The following MALRD1 variants were observed in gnomAD, a reference collection of about 807,000 sequenced individuals.
The protein encoded by MALRD1 is MAM and LDL receptor class A domain containing 1.
In MALRD1, 247 loss-of-function variants were observed where a neutral mutation model predicts 242.1. That is an observed-to-expected ratio of 1.02 (90% CI 0.92 to 1.13). The LOEUF is 1.13. MALRD1 is among the 50% of genes most tolerant of loss of function. MALRD1 has a pLI of 0.00. For synonymous variants in MALRD1, 995 were observed against 866.6 expected (o/e 1.15, Z -2.60); for missense variants, 2,989 against 2,533.1 (o/e 1.18, Z -3.86).
chr10:19,558,129 C>A (rs1835807508), intron 32 of MALRD1, among the ~76,000 whole-genome samples: 1 of 152,108 alleles, frequency 6.6e-6, no homozygotes, highest in East Asian at 1.9e-4. Flanking sequence ...TTGCTTCTCA[C>A]TTCCAGGAAG....
At chr10:19,426,125 C>T (rs181754721) in intron 28 of MALRD1, among the ~76,000 whole-genome samples, 2 of 152,164 alleles carry the variant, frequency 1.3e-5, no homozygotes, top group East Asian at 1.9e-4. Context: ...ATGTTAATGT[C>T]TTCCATATGC....
chr10:19,209,595 G>T lies in MALRD1; in HGVS notation c.2906G>T (p.Gly969Val). The part of the protein sequence containing the change: ...IYQRIWSDSR[G>V]QLLWQIFGNQ... ...CAACGAATCTGGAGTGACTCAAGGGGACAGCTGCTGTGGCAGATATTTGGG... is the reference window on the plus strand; with the variant it reads ...CAACGAATCTGGAGTGACTCAAGGGTACAGCTGCTGTGGCAGATATTTGGG... The change falls in exon 18 of 40, where the codon GGA becomes GTA. Residue 969 changes from glycine (G) to valine (V), a missense_variant. Physicochemically the swap from Gly to Val is moderately radical, Grantham distance 109. Transcript: ENST00000454679. 1 of 1,550,982 alleles carries T rather than the reference G, an allele frequency of 6.4e-7. No homozygotes were observed. The highest frequency in any genetic ancestry group is 1.2e-5 in the South Asian group (1 of 84,066).
intron 31 of MALRD1, among the ~76,000 whole-genome samples, chr10:19,525,162 G>A (rs959777517): frequency 4.6e-5 from 7 of 150,938 alleles, no homozygotes; most frequent in African/African-American, 7.3e-5. Context: ...TGATCTGCCC[G>A]CCTGGGCCTC....
intron 29 of MALRD1, among the ~76,000 whole-genome samples, chr10:19,473,454 GT>G: frequency 6.6e-6 from 1 of 151,854 alleles, no homozygotes; most frequent in South Asian, 2.1e-4. Context: ...CTGAAATTCT[GT>G]ACCTGTTGAC....
rs139076960 is a variant in MALRD1, at chr10:19,204,950, G to A, written c.2263G>A (p.Glu755Lys). The A allele has an allele frequency of 1.3e-6, 2 of 1,550,410 alleles. No individual in the cohort carries two copies. Among genetic ancestry groups the A allele is most frequent in the East Asian group, 2.4e-5 (1 of 40,918 alleles). The change falls in exon 17 of 40, where the codon GAA becomes AAA. Residue 755 changes from glutamate to lysine, a missense_variant. Physicochemically the swap from Glu to Lys is moderately conservative, Grantham distance 56. Transcript: ENST00000454679. ...VGAAELQLHM[E>K]NSHDSTVIWR... is the part of the protein sequence containing the mutation. ...AGCAGCTGAGCTGCAGCTACATATGGAAAATTCTCATGACTCAACAGTGAT... is the reference window on the plus strand; with the variant it reads ...AGCAGCTGAGCTGCAGCTACATATGAAAAATTCTCATGACTCAACAGTGAT...
intron 32 of MALRD1, among the ~76,000 whole-genome samples, chr10:19,562,297 G>GTAGATAGATAGATAGATAGATAGATAGA (rs78473002): frequency 6.9e-6 from 1 of 144,650 alleles, no homozygotes; most frequent in Non-Finnish European, 1.5e-5. Flanking sequence ...GCTGTCTTAG[G>GTAGATAGATAGATAGATAGATAGATAGA]TAGATAGATA....
At chr10:19,553,156 T>A (rs1450262096) in intron 32 of MALRD1, among the ~76,000 whole-genome samples, 3 of 152,046 alleles carry the variant, frequency 2.0e-5, no homozygotes, top group Non-Finnish European at 2.9e-5. Context: ...TTATTGACAA[T>A]CTGGGAATTT....
chr10:19,053,919 C>G (rs1834586146), intron 1 of MALRD1, among the ~76,000 whole-genome samples: 1 of 151,776 alleles, frequency 6.6e-6, no homozygotes, highest in Non-Finnish European at 1.5e-5. Context: ...AGAAAAAAAA[C>G]TGAGTCCTCA....
chr10:19,516,831 T>TA (rs1343678946), intron 31 of MALRD1, among the ~76,000 whole-genome samples: 1 of 152,054 alleles, frequency 6.6e-6, no homozygotes, highest in Non-Finnish European at 1.5e-5. Flanking sequence ...ACTTGCATTT[T>TA]AAAATGATAT....
At chr10:19,090,422 T>A (rs1835839045) in intron 4 of MALRD1, among the ~76,000 whole-genome samples, 1 of 49,084 alleles carries the variant, frequency 2.0e-5, no homozygotes, top group East Asian at 6.5e-4. Context: ...TGCTTGTGAT[T>A]TTTGTACATT....
intron 28 of MALRD1, among the ~76,000 whole-genome samples, chr10:19,437,095 T>TG (rs1003606356): frequency 1.3e-5 from 2 of 151,254 alleles, no homozygotes; most frequent in Admixed American, 6.6e-5. Flanking sequence ...AGTGTGATTT[T>TG]TTTGTAGACA....
At chr10:19,291,728 A>T (rs1157355766) in intron 21 of MALRD1, among the ~76,000 whole-genome samples, 3 of 152,000 alleles carry the variant, frequency 2.0e-5, no homozygotes. Context: ...TCTAAATGTA[A>T]TAACTAATTT....
chr10:19,373,270 G>GCCGA, intron 26 of MALRD1, among the ~76,000 whole-genome samples: 1 of 148,056 alleles, frequency 6.8e-6, no homozygotes, highest in East Asian at 2.0e-4. Context: ...CACTTTGGGA[G>GCCGA]GGCGGACGGA....
At chr10:19,638,692 G>A (rs1840256611) in intron 36 of MALRD1, among the ~76,000 whole-genome samples, 1 of 152,114 alleles carries the variant, frequency 6.6e-6, no homozygotes. Context: ...CCAGAGCTAG[G>A]GTTTGTTTGC....
intron 32 of MALRD1, 133 bp downstream of exon 32, chr10:19,531,484 C>T: frequency 2.2e-6 from 2 of 891,192 alleles, no homozygotes; most frequent in Non-Finnish European, 3.2e-6. Context: ...TCATTTCTTT[C>T]TGGGGCAGTG....
chr10:19,643,068 C>A (rs1840467099), intron 36 of MALRD1, among the ~76,000 whole-genome samples: 1 of 152,124 alleles, frequency 6.6e-6, no homozygotes, highest in Admixed American at 6.5e-5. Context: ...GTCTTCATAT[C>A]TCTTTTTTTA....
intron 28 of MALRD1, among the ~76,000 whole-genome samples, chr10:19,430,111 C>CTTTG (rs1834063450): frequency 1.2e-5 from 1 of 83,494 alleles, no homozygotes; most frequent in Non-Finnish European, 2.1e-5. Flanking sequence ...CTCCATTTTC[C>CTTTG]TTTTTTTTTT....
intron 25 of MALRD1, among the ~76,000 whole-genome samples, chr10:19,351,695 A>G (rs1054741270): frequency 5.3e-5 from 8 of 152,196 alleles, no homozygotes; most frequent in African/African-American, 1.9e-4. Flanking sequence ...TCCTTTGACA[A>G]TGGGCTCTAA....
chr10:19,574,356 T>C (rs11010470), intron 33 of MALRD1, among the ~76,000 whole-genome samples: 61,582 of 152,078 alleles, frequency 0.4, 13,476 homozygotes, highest in Non-Finnish European at 0.5. Flanking sequence ...TAGAGAAATA[T>C]GTTGAATGAA....
Sources: gnomAD v4.1 joint callset for allele counts (sites outside exome capture counted in the v4.1 genomes callset) on GRCh38, gnomAD v4.1.1 for gene constraint, MANE v1.5 for transcripts, NCBI Gene and HGNC (gene_info 2026-07-23, HGNC 2026-07-21) for gene names.